The following KMT2C variants were observed in gnomAD, a reference collection of about 807,000 sequenced individuals.
KMT2C encodes the protein histone-lysine N-methyltransferase 2C.
Under a neutral mutation model 507.9 loss-of-function variants are expected in KMT2C, and 88 were observed. The ratio of observed to expected loss-of-function variants is 0.17; its 90% CI spans 0.15 to 0.21. The LOEUF (loss-of-function observed/expected upper bound fraction) is 0.21. Among genes scored for constraint, KMT2C ranks in the 10% least tolerant of loss-of-function variants. The pLI, the probability that KMT2C is intolerant of heterozygous loss-of-function variation, is 1.00. For synonymous variants in KMT2C, 2,049 were observed against 2,080.8 expected (o/e 0.98, Z 0.42); for missense variants, 4,954 against 5,957.8 (o/e 0.83, Z 5.55).
intron 6 of KMT2C, among the ~76,000 whole-genome samples, chr7:152,304,803 C>T (rs1419008855): frequency 6.6e-6 from 1 of 152,140 alleles, no homozygotes; most frequent in African/African-American, 2.4e-5. Context: ...GGCCTCCCAA[C>T]ATGCTAGAAT....
intron 1 of KMT2C, among the ~76,000 whole-genome samples, chr7:152,388,246 T>G (rs73489469): frequency 4.5e-5 from 6 of 133,352 alleles, no homozygotes; most frequent in Non-Finnish European, 8.3e-5. Flanking sequence ...AATACACATA[T>G]CCACACCTGC....
intron 18 of KMT2C, among the ~76,000 whole-genome samples, chr7:152,225,434 C>T (rs2129148405): frequency 6.6e-6 from 1 of 152,086 alleles, no homozygotes; most frequent in Admixed American, 6.5e-5. Context: ...AACTTCCCAA[C>T]TCCAGATGCT....
At chr7:152,389,768 G>T (rs1381420727) in intron 1 of KMT2C, among the ~76,000 whole-genome samples, 1 of 152,008 alleles carries the variant, frequency 6.6e-6, no homozygotes, top group East Asian at 1.9e-4. Flanking sequence ...AACTAGCAGG[G>T]GTTATGTGAA....
chr7:152,153,358 A>G (rs915684275), intron 48 of KMT2C, among the ~76,000 whole-genome samples: 1 of 152,202 alleles, frequency 6.6e-6, no homozygotes, highest in Admixed American at 6.5e-5. Context: ...GATAACCAAA[A>G]TATCACATCA....
At chr7:152,358,703 A>C in intron 1 of KMT2C, 28 bp from the exon 2 acceptor site, 1 of 1,364,848 alleles carries the variant, frequency 7.3e-7, no homozygotes, top group Middle Eastern at 1.8e-4. Context: ...AATAATAAGT[A>C]CATAGAGTTA....
At chr7:152,346,938 T>C (rs1194775041) in intron 2 of KMT2C, among the ~76,000 whole-genome samples, 1 of 152,080 alleles carries the variant, frequency 6.6e-6, no homozygotes, top group Non-Finnish European at 1.5e-5. Context: ...CCATCCTGGC[T>C]AACACGGTGA....
At chr7:152,406,710 C>T (rs2097618777) in intron 1 of KMT2C, among the ~76,000 whole-genome samples, 1 of 152,208 alleles carries the variant, frequency 6.6e-6, no homozygotes, top group African/African-American at 2.4e-5. Context: ...GATGAGGTCT[C>T]CTGATGTTGC....
At chr7:152,157,655 C>A in intron 44 of KMT2C, 3 of 667,962 alleles carry the variant, frequency 4.5e-6, no homozygotes, top group Non-Finnish European at 5.9e-6. Flanking sequence ...TTTAATAAAA[C>A]TTGGAAGAGT....
chr7:152,246,254 C>G (rs2095471220), intron 14 of KMT2C, among the ~76,000 whole-genome samples: 1 of 152,042 alleles, frequency 6.6e-6, no homozygotes, highest in Admixed American at 6.6e-5. Flanking sequence ...GATTGGAAAA[C>G]TAAAAAGCTG....
chr7:152,203,103 A>G, intron 25 of KMT2C, 39 bp from the exon 26 acceptor site: 1 of 1,537,634 alleles, frequency 6.5e-7, no homozygotes, highest in Non-Finnish European at 8.8e-7. Flanking sequence ...GTGACATTTA[A>G]AATTTCTAGA....
At chr7:152,384,429 T>C (rs1260785581) in intron 1 of KMT2C, among the ~76,000 whole-genome samples, 5 of 152,078 alleles carry the variant, frequency 3.3e-5, no homozygotes, top group Non-Finnish European at 7.4e-5. Flanking sequence ...AAAAGTAACC[T>C]CTACCTCCTC....
intron 1 of KMT2C, among the ~76,000 whole-genome samples, chr7:152,434,365 C>T (rs755852070): frequency 3.9e-5 from 6 of 152,110 alleles, no homozygotes; most frequent in Non-Finnish European, 7.3e-5. Context: ...AAAAGGACAG[C>T]GGGGCAAGAA....
rs552521525 is a variant in KMT2C, at chr7:152,203,302, G to C, written c.3962-238C>G. Among the ~76,000 whole-genome samples, 8 of 151,698 alleles carry C rather than the reference G, an allele frequency of 5.3e-5. No individual in the cohort carries two copies. The East Asian group carries it at 1.4e-3, about 26-fold the overall frequency. On this transcript the variant is annotated intron_variant, in intron 25 of 58. Transcript: ENST00000262189. ...TAATAATCGATTACAAAGCAAAAAC[G>C]TATTTATTTAAACATATTTTGTTAA...
At chr7:152,321,882 G>A (rs1028145850) in intron 3 of KMT2C, among the ~76,000 whole-genome samples, 3 of 151,726 alleles carry the variant, frequency 2.0e-5, no homozygotes, top group Non-Finnish European at 2.9e-5. Flanking sequence ...AATATCTATC[G>A]AAATTCCAAT....
rs771153370 is a variant in KMT2C, at chr7:152,179,828, C to T, written c.7442+6G>A. ...TTTAAATTCGGCAGGAAATTAAAAG[C>T]ATTACCTAAATCCATGAGGTCTCAT... is the stretch of plus-strand genomic sequence containing the variant. On this transcript the variant is annotated splice_donor_region_variant and intron_variant, in intron 37 of 58. Coordinates refer to ENST00000262189, the MANE Select transcript of KMT2C (RefSeq NM_170606.3). 6.2e-7 allele frequency: 1 copy of T among 1,611,436 alleles called. No individual in the cohort carries two copies.
In KMT2C at chr7:152,377,029, T is replaced by TAATAAATAATA. The variant is rs150610972; in HGVS notation, c.162-18355_162-18354insTATTATTTATT. 4.6e-3 allele frequency among the ~76,000 whole-genome samples: 400 copies of TAATAAATAATA among 86,678 alleles called. 1 individual carries two copies. Among genetic ancestry groups the TAATAAATAATA allele is most frequent in the African/African-American group, 0.014 (385 of 27,626 alleles). 56.9% of individuals were successfully genotyped at this position (86,678 alleles called of 152,430 possible). ...GCGAGACTCTTGTCTCTTTTAAAAA[T>TAATAAATAATA]AATAAATAAATAAATAAAAACTGAC... is the stretch of plus-strand genomic sequence containing the variant. On this transcript the variant is annotated intron_variant, in intron 1 of 58. Transcript: ENST00000262189.
intron 42 of KMT2C, among the ~76,000 whole-genome samples, chr7:152,165,916 G>C (rs2092708106): frequency 6.6e-6 from 1 of 152,070 alleles, no homozygotes; most frequent in African/African-American, 2.4e-5. Flanking sequence ...TCGAACTCCT[G>C]GCCTCAGGTG....
At chr7:152,434,632 A>C (rs1381105838) in intron 1 of KMT2C, among the ~76,000 whole-genome samples, 1 of 152,196 alleles carries the variant, frequency 6.6e-6, no homozygotes, top group East Asian at 1.9e-4. Flanking sequence ...TACAACTTCG[A>C]GAGACATTCA....
At position 152,176,391 on chromosome 7, in the gene KMT2C, C is replaced by T. The variant is rs753920391; in HGVS notation, c.9062G>A (p.Gly3021Asp). ...TQTGPQTSQS[G>D]TSSMSGPQQL... ...TTGGGGTCCAGACATGCTACTGGTA[C>T]CAGACTGACTTGTTTGAGGCCCAGT... The change falls in exon 38 of 59, where the codon GGT becomes GAT. Residue 3021 changes from glycine (G) to aspartate (D), a missense_variant. By Grantham distance (94) the Gly-to-Asp change is moderately conservative. Around this residue, in one of 29 missense-constraint regions of KMT2C, gnomAD observed 1,689 missense variants for 1,654.3 expected, o/e 1.02. Transcript: ENST00000262189. The T allele has an allele frequency of 5.0e-6, 8 of 1,614,088 alleles. No homozygotes were observed. Among genetic ancestry groups the T allele is most frequent in the South Asian group, 1.1e-5 (1 of 91,070 alleles).
Sources: gnomAD v4.1 joint callset for allele counts (sites outside exome capture counted in the v4.1 genomes callset) on GRCh38, gnomAD v4.1.1 for gene constraint, gnomAD v4.1.1 regional missense constraint, MANE v1.5 for transcripts, NCBI Gene and HGNC (gene_info 2026-07-23, HGNC 2026-07-21) for gene names.